Variants in STRN observed in about 807,000 individuals in gnomAD.
STRN encodes protein phosphatase 2 regulatory subunit B'''alpha.
In STRN, 53 loss-of-function variants were observed where a neutral mutation model predicts 96.3. That is an observed-to-expected ratio of 0.55 (90% CI 0.44 to 0.69). STRN has a LOEUF of 0.69. Ranked by LOEUF, STRN falls within the 30% of genes least tolerant of loss-of-function variation. The probability of loss-of-function intolerance (pLI) is 0.00; values close to 1 mark genes in which losing one functional copy is unlikely to be tolerated. For synonymous variants in STRN, 428 were observed against 355.9 expected (o/e 1.20, Z -2.28); for missense variants, 987 against 963.9 (o/e 1.02, Z -0.32).
At chr2:36,942,241 C>T (rs1670863706) in intron 1 of STRN, among the ~76,000 whole-genome samples, 1 of 152,022 alleles carries the variant, frequency 6.6e-6, no homozygotes, top group Non-Finnish European at 1.5e-5. Context: ...CATAATGTAT[C>T]AAAAAGGACA....
chr2:36,943,875 A>C (rs561817762), intron 1 of STRN, among the ~76,000 whole-genome samples: 1 of 152,226 alleles, frequency 6.6e-6, no homozygotes, highest in East Asian at 1.9e-4. Context: ...CTAGCACTTT[A>C]AGAGGCAGAG....
At chr2:36,926,549 A>T (rs1354314450) in intron 1 of STRN, among the ~76,000 whole-genome samples, 1 of 152,242 alleles carries the variant, frequency 6.6e-6, no homozygotes, top group Non-Finnish European at 1.5e-5. Context: ...CAAGTGAGCC[A>T]TTAAACTTAA....
At chr2:36,887,141 C>A (rs1041193441) in intron 7 of STRN, among the ~76,000 whole-genome samples, 1 of 151,314 alleles carries the variant, frequency 6.6e-6, no homozygotes, top group Admixed American at 6.6e-5. Context: ...CAATCAAGAA[C>A]TTCTCGGCCA....
Position 36,966,344 on chromosome 2 carries a change from CGCCGCA to C in STRN, c.114_119del (p.Ala39_Ala40del). The C allele has an allele frequency of 6.7e-7, 1 of 1,483,350 alleles. No homozygotes were observed. The highest frequency in any genetic ancestry group is 8.9e-7 in the Non-Finnish European group (1 of 1,118,586). The allele number at this position is 1,483,350 out of a possible 1,614,324, so 91.9% of individuals were successfully genotyped here. On this transcript the variant is annotated inframe_deletion, in exon 1 of 18. Transcript: ENST00000263918. ...GACTGTACTGGGCTCGGGCCGCCCC[CGCCGCA>C]GCCGCCCCGTCGCCGGCCGCGGCAG... is the stretch of plus-strand genomic sequence containing the variant.
At chr2:36,856,786 T>C (rs1055000487) in intron 14 of STRN, among the ~76,000 whole-genome samples, 4 of 152,264 alleles carry the variant, frequency 2.6e-5, no homozygotes, top group Admixed American at 2.6e-4. Context: ...GGGAGGTGAT[T>C]GGATCATGGG....
chr2:36,862,407 C>T (rs1668511992), intron 12 of STRN, among the ~76,000 whole-genome samples: 1 of 152,188 alleles, frequency 6.6e-6, no homozygotes, highest in Non-Finnish European at 1.5e-5. Context: ...GCCTTGCCAG[C>T]ATCTGTTATC....
chr2:36,956,943 A>G (rs1216015007), intron 1 of STRN, among the ~76,000 whole-genome samples: 1 of 152,222 alleles, frequency 6.6e-6, no homozygotes, highest in Admixed American at 6.5e-5. Flanking sequence ...TGGACAAAAT[A>G]TTTTCACAAT....
intron 8 of STRN, among the ~76,000 whole-genome samples, chr2:36,884,285 A>T (rs904155922): frequency 6.6e-6 from 1 of 152,178 alleles, no homozygotes; most frequent in Non-Finnish European, 1.5e-5. Flanking sequence ...AATTAAGCAA[A>T]TGGGATATCA....
intron 1 of STRN, among the ~76,000 whole-genome samples, chr2:36,942,234 A>G (rs1241685071): frequency 6.6e-6 from 1 of 152,178 alleles, no homozygotes; most frequent in Non-Finnish European, 1.5e-5. Flanking sequence ...TTATAATCAT[A>G]ATGTATCAAA....
At chr2:36,902,777 C>A in intron 4 of STRN, 26 bp from the exon 5 acceptor site, 1 of 1,555,720 alleles carries the variant, frequency 6.4e-7, no homozygotes, top group South Asian at 1.2e-5. Context: ...CCTTAGAGTT[C>A]AGTCATACTG....
chr2:36,950,198 G>T (rs1229948147), intron 1 of STRN, among the ~76,000 whole-genome samples: 1 of 149,192 alleles, frequency 6.7e-6, no homozygotes, highest in Non-Finnish European at 1.5e-5. Flanking sequence ...GTTACTGGTT[G>T]GTTGGTTTGG....
At chr2:36,926,773 T>C (rs1334050577) in intron 1 of STRN, among the ~76,000 whole-genome samples, 5 of 152,176 alleles carry the variant, frequency 3.3e-5, no homozygotes, top group East Asian at 1.9e-4. Context: ...AACAATTCAA[T>C]TGTTTTCAGA....
At chr2:36,857,737 G>A (rs1668382598) in intron 14 of STRN, 119 bp downstream of exon 14, 11 of 811,394 alleles carry the variant, frequency 1.4e-5, no homozygotes, top group Non-Finnish European at 2.0e-5. Flanking sequence ...ACACTTTCGT[G>A]GCTTCAAAAA....
chr2:36,885,248 C>T (rs998903287), intron 8 of STRN, among the ~76,000 whole-genome samples: 1 of 152,132 alleles, frequency 6.6e-6, no homozygotes, highest in Non-Finnish European at 1.5e-5. Flanking sequence ...TGCCTAAGTC[C>T]TGGTTACCTT....
chr2:36,946,531 C>A (rs1670988807), intron 1 of STRN, among the ~76,000 whole-genome samples: 1 of 152,042 alleles, frequency 6.6e-6, no homozygotes, highest in African/African-American at 2.4e-5. Context: ...CAATTATTAC[C>A]AAGGTAAGCG....
intron 11 of STRN, 76 bp from the exon 12 acceptor site, chr2:36,867,937 C>G (rs915986697): frequency 5.8e-6 from 7 of 1,201,122 alleles, no homozygotes; most frequent in Non-Finnish European, 8.1e-6. Context: ...ATAAAATTGT[C>G]TTTAAAAATA....
intron 1 of STRN, among the ~76,000 whole-genome samples, chr2:36,950,360 C>G (rs1356211484): frequency 6.6e-6 from 1 of 151,920 alleles, no homozygotes; most frequent in African/African-American, 2.4e-5. Flanking sequence ...GGATTACAGG[C>G]ACGCGCCATC....
At chr2:36,900,390 A>G (rs149409937) in intron 5 of STRN, among the ~76,000 whole-genome samples, 33 of 152,300 alleles carry the variant, frequency 2.2e-4, no homozygotes, top group African/African-American at 7.7e-4. Context: ...AATAACAAGT[A>G]TGTCATTTTT....
At chr2:36,860,303 T>C (rs1221947362) in intron 13 of STRN, among the ~76,000 whole-genome samples, 1 of 152,176 alleles carries the variant, frequency 6.6e-6, no homozygotes, top group Non-Finnish European at 1.5e-5. Flanking sequence ...GTTGATCCTC[T>C]GGCAGAGAGG....
Sources: allele counts gnomAD v4.1 joint callset (sites outside exome capture counted in the v4.1 genomes callset), GRCh38; gene constraint gnomAD v4.1.1; transcripts MANE v1.5; gene names NCBI Gene and HGNC (gene_info 2026-07-23, HGNC 2026-07-21).